The following AIG1 variants were observed in gnomAD, a reference collection of about 807,000 sequenced individuals.
The protein encoded by AIG1 is androgen-induced gene 1 protein.
A neutral mutation model predicts 31.4 loss-of-function variants in AIG1; 23 were observed. The observed-to-expected ratio is 0.73, with a 90% CI of 0.53 to 1.04. The LOEUF is 1.04. Among genes scored for constraint, AIG1 ranks in the 50% least tolerant of loss-of-function variants. The pLI, the probability that AIG1 is intolerant of heterozygous loss-of-function variation, is 0.00. For synonymous variants in AIG1, 100 were observed against 110.5 expected (o/e 0.90, Z 0.60); for missense variants, 274 against 295.0 (o/e 0.93, Z 0.52).
intron 2 of AIG1, among the ~76,000 whole-genome samples, chr6:143,162,086 A>T (rs1485432912): frequency 6.6e-6 from 1 of 152,266 alleles, no homozygotes; most frequent in Non-Finnish European, 1.5e-5. Flanking sequence ...TAGCAAAGGT[A>T]TAAGCTACAT....
chr6:143,195,548 A>C (rs1790152608), intron 3 of AIG1, among the ~76,000 whole-genome samples: 1 of 152,166 alleles, frequency 6.6e-6, no homozygotes, highest in African/African-American at 2.4e-5. Context: ...GCTGCGGGGA[A>C]ACGTTGACAA....
intron 3 of AIG1, chr6:143,189,409 T>C (rs1007822731): frequency 9.2e-6 from 9 of 980,358 alleles, no homozygotes; most frequent in African/African-American, 1.7e-5. Flanking sequence ...TAGTAACTTA[T>C]TTTAAGAATA....
At chr6:143,205,988 A>G (rs987004542) in intron 3 of AIG1, among the ~76,000 whole-genome samples, 6 of 152,220 alleles carry the variant, frequency 3.9e-5, no homozygotes, top group Admixed American at 2.6e-4. Context: ...AAGATCATCT[A>G]TATATCTATT....
chr6:143,195,757 G>GT (rs1391528956), intron 3 of AIG1, among the ~76,000 whole-genome samples: 1 of 152,144 alleles, frequency 6.6e-6, no homozygotes, highest in Non-Finnish European at 1.5e-5. Flanking sequence ...GGCTGGCAAC[G>GT]TCCTGGGCAC....
At chr6:143,171,516 A>T (rs1454477007) in intron 3 of AIG1, among the ~76,000 whole-genome samples, 19 of 127,928 alleles carry the variant, frequency 1.5e-4, no homozygotes, top group African/African-American at 5.6e-4. Context: ...AATATATATA[A>T]TATATATATT....
At chr6:143,264,497 G>T (rs1487250370) in intron 3 of AIG1, among the ~76,000 whole-genome samples, 1 of 152,234 alleles carries the variant, frequency 6.6e-6, no homozygotes, top group East Asian at 1.9e-4. Context: ...CTTGCAGGAA[G>T]CCCCACAGGA....
intron 3 of AIG1, among the ~76,000 whole-genome samples, chr6:143,228,621 G>A (rs556979873): frequency 9.2e-5 from 14 of 152,274 alleles, no homozygotes; most frequent in African/African-American, 3.4e-4. Context: ...TAGAGGGTGG[G>A]ACCACATTTA....
rs1776874350 is a variant in AIG1 at position 143,329,230 on chromosome 6, A to C, written c.516-4052A>C. ...GGAGACAATATTGAATGCCTCATTT[A>C]GGGAAGCAAGTCCATGCAGCAAAAA... On this transcript the variant is annotated intron_variant, in intron 4 of 5. Transcript: ENST00000357847. This position sits in a 1 kb window ranked among gnomAD's most constrained non-coding sequence, Gnocchi z 4.9. Among the ~76,000 whole-genome samples, 1 of 152,242 alleles carries C rather than the reference A, an allele frequency of 6.6e-6. No individual in the cohort carries two copies. Among genetic ancestry groups the C allele is most frequent in the Non-Finnish European group, 1.5e-5 (1 of 68,040 alleles).
chr6:143,202,743 C>T (rs997840290), intron 3 of AIG1, among the ~76,000 whole-genome samples: 1 of 152,132 alleles, frequency 6.6e-6, no homozygotes, highest in Non-Finnish European at 1.5e-5. Flanking sequence ...GAAATCCCAG[C>T]ATATGGGGAA....
At position 143,118,730 on chromosome 6, in the gene AIG1, T is replaced by G. The variant is rs140360422; in HGVS notation, c.142-18105T>G. On this transcript the variant is annotated intron_variant, in intron 1 of 5. Coordinates refer to ENST00000357847, the MANE Select transcript of AIG1 (RefSeq NM_016108.4). Reference sequence around the variant, plus strand: ...ATCATTTATGTTGCCTTATGACTGATAGTGCTAATAAGTAACTAAGTCCTA... The same window carrying G: ...ATCATTTATGTTGCCTTATGACTGAGAGTGCTAATAAGTAACTAAGTCCTA... 3.2e-3 allele frequency among the ~76,000 whole-genome samples: 488 copies of G among 152,330 alleles called. 1 individual carries two copies. Among genetic ancestry groups the G allele is most frequent in the African/African-American group, 0.011 (474 of 41,574 alleles).
At chr6:143,222,629 A>G (rs933008580) in intron 3 of AIG1, among the ~76,000 whole-genome samples, 1 of 152,186 alleles carries the variant, frequency 6.6e-6, no homozygotes, top group Non-Finnish European at 1.5e-5. Flanking sequence ...ACTCTCTGCT[A>G]CCAATTTCTT....
chr6:143,285,648 A>G (rs1452096551), intron 4 of AIG1, among the ~76,000 whole-genome samples: 1 of 151,968 alleles, frequency 6.6e-6, no homozygotes, highest in African/African-American at 2.4e-5. Context: ...TGTCTCAAAA[A>G]TAAACAAATA....
At chr6:143,157,198 A>G (rs912691766) in intron 2 of AIG1, among the ~76,000 whole-genome samples, 5 of 152,214 alleles carry the variant, frequency 3.3e-5, no homozygotes, top group Non-Finnish European at 7.3e-5. Flanking sequence ...TAGGAGTAAA[A>G]AGCAATTTAT....
intron 2 of AIG1, among the ~76,000 whole-genome samples, chr6:143,160,147 T>C (rs928301094): frequency 3.3e-5 from 5 of 152,182 alleles, no homozygotes; most frequent in Admixed American, 6.5e-5. Context: ...CAGTGAATGT[T>C]TGAGATGATG....
At chr6:143,274,230 G>T (rs1254601819) in intron 3 of AIG1, among the ~76,000 whole-genome samples, 1 of 152,108 alleles carries the variant, frequency 6.6e-6, no homozygotes, top group Non-Finnish European at 1.5e-5. Flanking sequence ...TCCTTCGGTT[G>T]TCCTGGTGCT....
intron 1 of AIG1, among the ~76,000 whole-genome samples, chr6:143,109,496 G>T (rs1004215675): frequency 2.0e-5 from 3 of 152,118 alleles, no homozygotes; most frequent in Non-Finnish European, 4.4e-5. Flanking sequence ...AAAAGTTCCA[G>T]TTATCCTGTG....
chr6:143,286,945 G>T (rs918824447), intron 4 of AIG1, among the ~76,000 whole-genome samples: 1 of 151,752 alleles, frequency 6.6e-6, no homozygotes, highest in African/African-American at 2.4e-5. Context: ...TCCCATTCTC[G>T]GTGGTTCTGT....
At chr6:143,205,870 G>A (rs903229817) in intron 3 of AIG1, among the ~76,000 whole-genome samples, 10 of 152,182 alleles carry the variant, frequency 6.6e-5, no homozygotes, top group Admixed American at 1.3e-4. Context: ...AGTATCAACC[G>A]TGAGAATTTA....
At chr6:143,235,926 G>A (rs1409934277) in intron 3 of AIG1, among the ~76,000 whole-genome samples, 2 of 152,014 alleles carry the variant, frequency 1.3e-5, no homozygotes, top group African/African-American at 4.8e-5. Flanking sequence ...TCTAGGGAGG[G>A]CACCTCTCCA....
Sources: allele counts gnomAD v4.1 joint callset (sites outside exome capture counted in the v4.1 genomes callset), GRCh38; gene constraint gnomAD v4.1.1; non-coding constraint Gnocchi (gnomAD v3.1); transcripts MANE v1.5; gene names NCBI Gene and HGNC (gene_info 2026-07-23, HGNC 2026-07-21).